SNHG17: variants seen among roughly 807,000 people sequenced by gnomAD.
The protein encoded by SNHG17 is small nucleolar RNA host gene 17.
chr20:38,424,442 C>T lies in SNHG17; in HGVS notation n.579+1493G>A, dbSNP rs530172200. On this transcript the variant is annotated intron_variant and non_coding_transcript_variant, in intron 5 of 8. Transcript: ENST00000654008. ...ATCCACCTCTGGTAGACCATGGACG[C>T]TCCTCACAGCCAGGACTGAAGGTGG... 2.0e-5 allele frequency among the ~76,000 whole-genome samples: 3 copies of T among 152,338 alleles called. No individual in the cohort carries two copies. The East Asian group carries it at 5.8e-4, about 29-fold the overall frequency.
At chr20:38,433,851 T>C (rs1176087631) in intron 2 of SNHG17, 2 of 519,150 alleles carry the variant, frequency 3.9e-6, no homozygotes, top group Non-Finnish European at 7.7e-6. Context: ...ATTTGAAAGA[T>C]GGTGAGAAGG....
chr20:38,433,224 CCTT>C (rs1294330047), intron 2 of SNHG17, among the ~76,000 whole-genome samples: 2 of 152,182 alleles, frequency 1.3e-5, no homozygotes, highest in Non-Finnish European at 2.9e-5. Context: ...GATCCACACT[CCTT>C]GGCCTCTCAG....
chr20:38,435,128 C>G (rs191954438), intron 1 of SNHG17: 1 of 1,232,340 alleles, frequency 8.1e-7, no homozygotes, highest in African/African-American at 1.5e-5. Flanking sequence ...CTCTGGCCGC[C>G]TTCCCCGGGG....
intron 6 of SNHG17, chr20:38,422,058 G>C (rs376280396): frequency 6.6e-6 from 1 of 152,462 alleles, no homozygotes; most frequent in Admixed American, 6.5e-5. Flanking sequence ...GCGCTCAAGG[G>C]AGGAGGACGG....
intron 1 of SNHG17, chr20:38,435,140 C>T: frequency 8.1e-7 from 1 of 1,232,358 alleles, no homozygotes; most frequent in Non-Finnish European, 1.0e-6. Flanking sequence ...TCCCCGGGGC[C>T]TCAGTTTCCC....
chr20:38,435,166 G>A, intron 1 of SNHG17: 1 of 1,232,316 alleles, frequency 8.1e-7, no homozygotes, highest in African/African-American at 1.5e-5. Context: ...GGTGAGAGTG[G>A]AGCCGACCAT....
exon 8 of SNHG17, chr20:38,420,688 T>C (rs533602819): frequency 2.9e-4 from 44 of 152,338 alleles, no homozygotes; most frequent in African/African-American, 1.0e-3. Flanking sequence ...ATTCCAGGCA[T>C]GGACAGAGGG....
At chr20:38,426,995 TAC>T (rs765781057) in intron 3 of SNHG17, among the ~76,000 whole-genome samples, 2,929 of 125,032 alleles carry the variant, frequency 0.023, 76 homozygotes, top group East Asian at 0.039. Flanking sequence ...AAGTTACACA[TAC>T]ACACACACAC....
At chr20:38,422,141 G>GT (rs1410721685) in exon 6 of SNHG17, 5 of 152,340 alleles carry the variant, frequency 3.3e-5, no homozygotes, top group Non-Finnish European at 7.3e-5. Flanking sequence ...CTGAAAGCAT[G>GT]TGAGGGACAG....
At chr20:38,431,962 GAC>G (rs2084348302) in intron 2 of SNHG17, 2 of 983,102 alleles carry the variant, frequency 2.0e-6, no homozygotes, top group African/African-American at 1.7e-5. Flanking sequence ...ACCCTTGTGG[GAC>G]ACAAAGCCCC....
At chr20:38,435,289 G>A in exon 1 of SNHG17, 1 of 1,231,734 alleles carries the variant, frequency 8.1e-7, no homozygotes, top group Non-Finnish European at 1.0e-6. Context: ...GGGTGCGGTG[G>A]CGTGCGATGG....
At chr20:38,426,048 C>A (rs1229595585) in exon 5 of SNHG17, 8 of 136,068 alleles carry the variant, frequency 5.9e-5, no homozygotes, top group African/African-American at 2.2e-4. Flanking sequence ...AGAATGAGAC[C>A]CTGCCTCAAA....
intron 2 of SNHG17, among the ~76,000 whole-genome samples, chr20:38,432,585 T>G (rs192677112): frequency 4.7e-4 from 71 of 152,342 alleles, no homozygotes; most frequent in Admixed American, 3.9e-3. Context: ...CACCATGGGA[T>G]GACCACTGGG....
chr20:38,425,331 G>C (rs748833357), intron 5 of SNHG17: 1 of 519,088 alleles, frequency 1.9e-6, no homozygotes, highest in Admixed American at 1.9e-5. Context: ...CGAATACAGG[G>C]ACAAAATAGG....
At chr20:38,432,008 T>C (rs930128825) in intron 2 of SNHG17, 9 of 985,374 alleles carry the variant, frequency 9.1e-6, no homozygotes, top group Middle Eastern at 5.2e-4. Flanking sequence ...TAGAACACCA[T>C]GGTCCACCTG....
chr20:38,434,858 T>C (rs2084405105), intron 1 of SNHG17: 1 of 985,350 alleles, frequency 1.0e-6, no homozygotes, highest in Non-Finnish European at 1.2e-6. Context: ...GTCAAGTGGC[T>C]TTGGAGGCTT....
chr20:38,423,585 A>G (rs2084196040), intron 5 of SNHG17, among the ~76,000 whole-genome samples: 1 of 150,408 alleles, frequency 6.6e-6, no homozygotes, highest in South Asian at 2.1e-4. Flanking sequence ...ATACAAAGAT[A>G]GAGAATAAAA....
rs2084299440 is a variant in SNHG17 at position 38,429,300 on chromosome 20, C to T, written n.380+1741G>A. 3 of 166,640 alleles carry T rather than the reference C, an allele frequency of 1.8e-5. No individual in the cohort carries two copies. The South Asian group carries it at 4.7e-4, about 26-fold the overall frequency. 10.3% of individuals were successfully genotyped at this position (166,640 alleles called of 1,614,324 possible). A position where few individuals can be genotyped will look rare whatever the true frequency, so the allele number is the denominator to read the frequency against. On this transcript the variant is annotated intron_variant and non_coding_transcript_variant, in intron 3 of 8. Transcript: ENST00000654008. Reference sequence around the variant, plus strand: ...CCGTTTTTCCTTTGTCCCACACTGTCAGAATACTGACCATCTGGCAGACAT... The same window carrying T: ...CCGTTTTTCCTTTGTCCCACACTGTTAGAATACTGACCATCTGGCAGACAT...
chr20:38,434,911 C>A (rs755739813), intron 1 of SNHG17: 1 of 1,220,534 alleles, frequency 8.2e-7, no homozygotes, highest in Middle Eastern at 3.2e-4. Flanking sequence ...GTCGCCGAGC[C>A]CTGTTTCCCG....
Sources: gnomAD v4.1 joint callset for allele counts (sites outside exome capture counted in the v4.1 genomes callset) on GRCh38, gnomAD v4.1.1 for gene constraint, MANE v1.5 for transcripts, NCBI Gene and HGNC (gene_info 2026-07-23, HGNC 2026-07-21) for gene names.